ROR1: variants seen among roughly 807,000 people sequenced by gnomAD.
ROR1 encodes the protein inactive tyrosine-protein kinase transmembrane receptor ROR1.
ROR1 carries 19 observed loss-of-function variants against 78.8 expected under a neutral mutation model. That is an observed-to-expected ratio of 0.24 (90% CI 0.17 to 0.35). The LOEUF (loss-of-function observed/expected upper bound fraction) is 0.35. Among genes scored for constraint, ROR1 ranks in the 10% least tolerant of loss-of-function variants. The pLI is 1.00. For missense variants in ROR1, 917 were observed against 1,177.8 expected (o/e 0.78, Z 3.24); for synonymous variants, 386 against 433.6 (o/e 0.89, Z 1.36).
In ROR1 at chr1:63,774,291, C is replaced by T; in HGVS notation, c.-127C>T. 1 of 471,654 alleles carries T rather than the reference C, an allele frequency of 2.1e-6. No homozygotes were observed. Among genetic ancestry groups the T allele is most frequent in the Non-Finnish European group, 3.4e-6 (1 of 294,106 alleles). 29.2% of individuals were successfully genotyped at this position (471,654 alleles called of 1,614,324 possible). A position where few individuals can be genotyped will look rare whatever the true frequency, so the allele number is the denominator to read the frequency against. ...CAGGTTAGAGGGACAAAGAGCTTTGCAGACGTCCCCGGCGTCCTGCGAGCG... is the reference window on the plus strand; with the variant it reads ...CAGGTTAGAGGGACAAAGAGCTTTGTAGACGTCCCCGGCGTCCTGCGAGCG... On this transcript the variant is annotated 5_prime_UTR_variant, in exon 1 of 9. Transcript: ENST00000371079. The surrounding 1 kb of genome is among the most constrained non-coding windows in gnomAD (Gnocchi z 5.7).
At chr1:64,072,697 C>T (rs981208737) in intron 4 of ROR1, among the ~76,000 whole-genome samples, 2 of 152,022 alleles carry the variant, frequency 1.3e-5, no homozygotes, top group Admixed American at 6.5e-5. Flanking sequence ...ATGGGAGAGC[C>T]GGGGTTATCT....
intron 1 of ROR1, among the ~76,000 whole-genome samples, chr1:63,863,683 A>T (rs186951730): frequency 6.5e-4 from 99 of 152,076 alleles, no homozygotes; most frequent in Middle Eastern, 3.4e-3. Flanking sequence ...TTCACAGACT[A>T]CATTTTCCAG....
chr1:64,098,984 A>C (rs1647411347), intron 4 of ROR1, among the ~76,000 whole-genome samples: 1 of 146,764 alleles, frequency 6.8e-6, no homozygotes, highest in Non-Finnish European at 1.5e-5. Context: ...ACTTTCACAC[A>C]TGTTATTCAT....
At chr1:63,999,083 C>T (rs180941560) in intron 1 of ROR1, among the ~76,000 whole-genome samples, 7 of 152,320 alleles carry the variant, frequency 4.6e-5, no homozygotes, top group African/African-American at 1.2e-4. Context: ...TTCCCAGTCT[C>T]GGGTATGTCT....
intron 4 of ROR1, among the ~76,000 whole-genome samples, chr1:64,056,968 A>G (rs1195796078): frequency 6.6e-6 from 1 of 151,856 alleles, no homozygotes; most frequent in Admixed American, 6.6e-5. Flanking sequence ...TTGTCTTTTC[A>G]TTTTCTTGAT....
intron 2 of ROR1, among the ~76,000 whole-genome samples, chr1:64,048,718 T>C (rs1646804932): frequency 6.6e-6 from 1 of 152,254 alleles, no homozygotes; most frequent in Non-Finnish European, 1.5e-5. Flanking sequence ...TAAATAAAAC[T>C]TATTTTGTTA....
intron 4 of ROR1, among the ~76,000 whole-genome samples, chr1:64,080,856 G>A (rs1296121163): frequency 6.6e-6 from 1 of 152,192 alleles, no homozygotes; most frequent in Non-Finnish European, 1.5e-5. Context: ...GCCTTTCCAA[G>A]CCAGGATAAG....
intron 1 of ROR1, among the ~76,000 whole-genome samples, chr1:63,972,831 C>T (rs1646129388): frequency 6.6e-6 from 1 of 152,188 alleles, no homozygotes; most frequent in Non-Finnish European, 1.5e-5. Flanking sequence ...TCCATTTTTT[C>T]AAGAAAAGCT....
intron 2 of ROR1, among the ~76,000 whole-genome samples, chr1:64,027,199 T>C (rs1227122292): frequency 6.6e-6 from 1 of 152,232 alleles, no homozygotes; most frequent in Non-Finnish European, 1.5e-5. Context: ...TTCATTATGA[T>C]GTTATTGCCC....
At chr1:64,104,666 G>A (rs777708253) in intron 4 of ROR1, among the ~76,000 whole-genome samples, 1 of 151,878 alleles carries the variant, frequency 6.6e-6, no homozygotes, top group African/African-American at 2.4e-5. Context: ...CTGTGTCCAT[G>A]TGTTATCATG....
At chr1:63,782,347 C>T (rs767997987) in intron 1 of ROR1, among the ~76,000 whole-genome samples, 9 of 151,950 alleles carry the variant, frequency 5.9e-5, no homozygotes, top group Admixed American at 5.9e-4. Context: ...TAGGCTTGAC[C>T]CATAAAAAAC....
intron 4 of ROR1, among the ~76,000 whole-genome samples, chr1:64,101,571 G>T (rs1163437973): frequency 6.6e-6 from 1 of 152,142 alleles, no homozygotes; most frequent in Non-Finnish European, 1.5e-5. Context: ...CCTGTTCTAA[G>T]AACGAAGGAT....
intron 1 of ROR1, among the ~76,000 whole-genome samples, chr1:63,960,038 C>G (rs1646015488): frequency 6.6e-6 from 1 of 152,226 alleles, no homozygotes; most frequent in Admixed American, 6.5e-5. Context: ...CCCAAATGCA[C>G]TGCTGTGACA....
At chr1:63,829,357 T>G (rs1193914569) in intron 1 of ROR1, among the ~76,000 whole-genome samples, 1 of 152,232 alleles carries the variant, frequency 6.6e-6, no homozygotes, top group East Asian at 1.9e-4. Flanking sequence ...GACAAATAAG[T>G]AATTTCACCA....
At chr1:63,894,371 T>C (rs4915934) in intron 1 of ROR1, among the ~76,000 whole-genome samples, 128,315 of 152,158 alleles carry the variant, frequency 0.84, 55,376 homozygotes, top group East Asian at 1. Context: ...GGGGGGAGAC[T>C]ACTATATTCT....
At chr1:63,803,374 C>T (rs867257437) in intron 1 of ROR1, among the ~76,000 whole-genome samples, 3 of 150,070 alleles carry the variant, frequency 2.0e-5, no homozygotes, top group Admixed American at 6.6e-5. Context: ...GATGGACTCT[C>T]GCTCTGTCGC....
At chr1:63,913,417 A>C (rs1475664500) in intron 1 of ROR1, among the ~76,000 whole-genome samples, 2 of 152,184 alleles carry the variant, frequency 1.3e-5, no homozygotes, top group African/African-American at 2.4e-5. Flanking sequence ...AAACAAAAAC[A>C]GATTTCTTGG....
At chr1:63,799,050 G>A (rs868335588) in intron 1 of ROR1, among the ~76,000 whole-genome samples, 9 of 151,662 alleles carry the variant, frequency 5.9e-5, no homozygotes, top group African/African-American at 9.7e-5. Context: ...TATTAGCCAC[G>A]TAATCTTAAA....
chr1:64,001,835 T>TA (rs1411387028), intron 1 of ROR1, among the ~76,000 whole-genome samples: 8 of 152,232 alleles, frequency 5.3e-5, no homozygotes, highest in African/African-American at 1.9e-4. Context: ...ACAGGGCCCA[T>TA]ATTCATAGGC....
Sources: allele counts gnomAD v4.1 joint callset (sites outside exome capture counted in the v4.1 genomes callset), GRCh38; gene constraint gnomAD v4.1.1; non-coding constraint Gnocchi (gnomAD v3.1); transcripts MANE v1.5; gene names NCBI Gene and HGNC (gene_info 2026-07-23, HGNC 2026-07-21).